CLDN10: variants seen among roughly 807,000 people sequenced by gnomAD.
CLDN10 encodes the protein claudin 10, also known as claudin-10.
In CLDN10, 15 loss-of-function variants were observed where a neutral mutation model predicts 22.9. The ratio of observed to expected loss-of-function variants is 0.65; its 90% confidence interval spans 0.44 to 1.01. The LOEUF (loss-of-function observed/expected upper bound fraction) is 1.01. Among genes scored for constraint, CLDN10 ranks in the 50% least tolerant of loss-of-function variants. The pLI is 0.00. For missense variants in CLDN10, 247 were observed against 287.8 expected (o/e 0.86, Z 1.03); for synonymous variants, 114 against 111.4 (o/e 1.02, Z -0.15).
At chr13:95,534,080 G>A (rs2043374704) in intron 1 of CLDN10, among the ~76,000 whole-genome samples, 1 of 152,112 alleles carries the variant, frequency 6.6e-6, no homozygotes, top group African/African-American at 2.4e-5. Context: ...ATAATTACAT[G>A]GTCACTGAGG....
At chr13:95,569,831 A>C (rs1417493242) in intron 3 of CLDN10, among the ~76,000 whole-genome samples, 1 of 145,828 alleles carries the variant, frequency 6.9e-6, no homozygotes, top group Non-Finnish European at 1.5e-5. Flanking sequence ...TGCAGTGGTG[A>C]GATCTCGGCT....
chr13:95,569,046 T>C (rs1310314383), intron 3 of CLDN10, among the ~76,000 whole-genome samples: 2 of 152,192 alleles, frequency 1.3e-5, no homozygotes, highest in African/African-American at 2.4e-5. Flanking sequence ...TGAGATAGTA[T>C]ACTTCAACTG....
chr13:95,570,747 G>T (rs564533088), intron 3 of CLDN10, among the ~76,000 whole-genome samples: 1 of 151,226 alleles, frequency 6.6e-6, no homozygotes, highest in African/African-American at 2.4e-5. Context: ...AACATATTGG[G>T]GAGATATTGG....
At chr13:95,434,359 T>A (rs989397749) in intron 1 of CLDN10, among the ~76,000 whole-genome samples, 30 of 151,896 alleles carry the variant, frequency 2.0e-4, no homozygotes, top group African/African-American at 6.8e-4. Context: ...CATGGAGGAA[T>A]CTTGATGGGT....
upstream of CLDN10, among the ~76,000 whole-genome samples, chr13:95,548,668 A>G (rs1225871915): frequency 1.3e-5 from 2 of 152,204 alleles, no homozygotes; most frequent in African/African-American, 2.4e-5. Flanking sequence ...GAACACAGAT[A>G]TGCTCTTTTA....
At chr13:95,524,101 T>TC in intron 1 of CLDN10, among the ~76,000 whole-genome samples, 1 of 152,046 alleles carries the variant, frequency 6.6e-6, no homozygotes, top group South Asian at 2.1e-4. Context: ...TGGCTTTTTT[T>TC]TTTTTTTTGA....
chr13:95,442,540 T>A (rs78292191), intron 1 of CLDN10, among the ~76,000 whole-genome samples: 6,671 of 152,304 alleles, frequency 0.044, 183 homozygotes, highest in Middle Eastern at 0.1. Context: ...AAGATGTGGA[T>A]CTATTCCTTG....
At chr13:95,509,989 G>T (rs1469807207) in intron 1 of CLDN10, among the ~76,000 whole-genome samples, 1 of 152,192 alleles carries the variant, frequency 6.6e-6, no homozygotes, top group African/African-American at 2.4e-5. Flanking sequence ...ATTTTCTGTG[G>T]TGTAAATACT....
intron 1 of CLDN10, among the ~76,000 whole-genome samples, chr13:95,475,696 C>A (rs76274949): frequency 0.11 from 16,391 of 152,184 alleles, 1,055 homozygotes; most frequent in South Asian, 0.25. Context: ...CTGCCTTTCT[C>A]TGGGTGGCGT....
chr13:95,578,427 C>T lies in CLDN10; in HGVS notation c.*413C>T, dbSNP rs1161872453. ...GTCTTATAAACAGCATGGGGGCAAT[C>T]TGAGAATATTCCTCAAAAGGTGTCC... On this transcript the variant is annotated 3_prime_UTR_variant, in exon 5 of 5. Transcript: ENST00000299339. 1 of 152,600 alleles carries T rather than the reference C, an allele frequency of 6.6e-6. No individual in the cohort carries two copies. The highest frequency in any genetic ancestry group is 1.5e-5 in the Non-Finnish European group (1 of 68,322). 9.5% of individuals were successfully genotyped at this position (152,600 alleles called of 1,614,324 possible).
At chr13:95,484,865 C>CAAAAAA (rs746231195) in intron 1 of CLDN10, among the ~76,000 whole-genome samples, 7 of 93,620 alleles carry the variant, frequency 7.5e-5, no homozygotes, top group South Asian at 4.1e-4. Flanking sequence ...GACCCTGTCT[C>CAAAAAA]AAAAAAAAAA....
chr13:95,564,463 C>T (rs530963544), intron 3 of CLDN10, among the ~76,000 whole-genome samples: 1 of 152,326 alleles, frequency 6.6e-6, no homozygotes, highest in East Asian at 1.9e-4. Flanking sequence ...AGCGACTTGT[C>T]ACATGTTCTA....
In CLDN10 at chr13:95,560,412, A is replaced by T; in HGVS notation, c.413A>T (p.Tyr138Phe). The change falls in exon 3 of 5, where the codon TAT becomes TTT. Residue 138 changes from tyrosine (Y) to phenylalanine (F), a missense_variant. Tyr to Phe is a conservative substitution (Grantham distance 22). Coordinates refer to ENST00000299339, the MANE Select transcript of CLDN10 (RefSeq NM_006984.5). ...TGCTCAATGACTGGATGTTCCCTAT[A>T]TGCAAACAAAATCACAACGGAATTC... ...GLCSMTGCSLYANKITTEFFD... is the reference protein window; with the variant it reads ...GLCSMTGCSLFANKITTEFFD... The T allele has an allele frequency of 1.2e-6, 2 of 1,614,098 alleles. No individual in the cohort carries two copies. Among genetic ancestry groups the T allele is most frequent in the South Asian group, 2.2e-5 (2 of 91,078 alleles).
At chr13:95,486,382 G>A (rs1376628688) in intron 1 of CLDN10, among the ~76,000 whole-genome samples, 3 of 152,060 alleles carry the variant, frequency 2.0e-5, no homozygotes, top group African/African-American at 4.8e-5. Context: ...AATTAGCCAG[G>A]CATGGTGGCG....
At chr13:95,540,842 G>A (rs2043453281) in intron 1 of CLDN10, among the ~76,000 whole-genome samples, 1 of 152,224 alleles carries the variant, frequency 6.6e-6, no homozygotes, top group Non-Finnish European at 1.5e-5. Context: ...TTACTACTAT[G>A]TGACACTTTT....
At chr13:95,547,552 T>A (rs897678239) in intron 1 of CLDN10, among the ~76,000 whole-genome samples, 1 of 152,256 alleles carries the variant, frequency 6.6e-6, no homozygotes, top group African/African-American at 2.4e-5. Flanking sequence ...GTCCTTCATA[T>A]ACATTGTCTC....
At chr13:95,559,165 G>A (rs2043674175) in intron 1 of CLDN10, among the ~76,000 whole-genome samples, 1 of 152,094 alleles carries the variant, frequency 6.6e-6, no homozygotes, top group African/African-American at 2.4e-5. Context: ...CTTACACCCG[G>A]TATGTGCTAC....
chr13:95,462,033 C>T (rs1243954377), intron 1 of CLDN10, among the ~76,000 whole-genome samples: 1 of 152,194 alleles, frequency 6.6e-6, no homozygotes, highest in African/African-American at 2.4e-5. Context: ...GAGGTGAAAG[C>T]TGCAGTGAGT....
At position 95,578,051 on chromosome 13, in the gene CLDN10, T is replaced by C; in HGVS notation, c.*37T>C. The C allele has an allele frequency of 2.4e-6, 3 of 1,272,806 alleles. No individual in the cohort carries two copies. The highest frequency in any genetic ancestry group is 3.4e-6 in the Non-Finnish European group (3 of 880,696). 78.8% of individuals were successfully genotyped at this position (1,272,806 alleles called of 1,614,324 possible). A position where few individuals can be genotyped will look rare whatever the true frequency, so the allele number is the denominator to read the frequency against. ...GGCAAGCTGCCTCTTGAGTTTGTTA[T>C]AAAAGCGAACTGTTCACAAAATGAT... is the stretch of plus-strand genomic sequence containing the variant. On this transcript the variant is annotated 3_prime_UTR_variant, in exon 5 of 5. Transcript: ENST00000299339.
Sources: gnomAD v4.1 joint callset for allele counts (sites outside exome capture counted in the v4.1 genomes callset) on GRCh38, gnomAD v4.1.1 for gene constraint, MANE v1.5 for transcripts, NCBI Gene and HGNC (gene_info 2026-07-23, HGNC 2026-07-21) for gene names.